Variants in ERMARD observed in about 807,000 individuals in gnomAD.
ERMARD encodes the protein ER membrane associated RNA degradation.
Under a neutral mutation model 83.9 loss-of-function variants are expected in ERMARD, and 71 were observed. That is an observed-to-expected ratio of 0.85 (90% confidence interval 0.70 to 1.03). ERMARD has a LOEUF of 1.03. ERMARD is among the 50% of genes least tolerant of loss of function. The probability of loss-of-function intolerance (pLI) is 0.00; values close to 1 mark genes in which losing one functional copy is unlikely to be tolerated. For missense variants in ERMARD, 838 were observed against 810.9 expected, an observed-to-expected ratio of 1.03 and a Z score of -0.41; for synonymous variants, 284 against 298.6, an observed-to-expected ratio of 0.95 and a Z score of 0.50.
upstream of ERMARD, chr6:169,751,516 C>T: frequency 6.2e-7 from 1 of 1,610,544 alleles, no homozygotes; most frequent in Non-Finnish European, 8.5e-7. Flanking sequence ...GGTCAAACGC[C>T]CTAGCCAGTC....
At chr6:169,760,023 G>A in intron 7 of ERMARD, 49 bp downstream of exon 7, 1 of 1,610,588 alleles carries the variant, frequency 6.2e-7, no homozygotes, top group South Asian at 1.1e-5. Flanking sequence ...GTAGATATTT[G>A]CAAAGTCAGT....
chr6:169,766,755 A>G, intron 10 of ERMARD, 88 bp downstream of exon 10: 2 of 1,364,572 alleles, frequency 1.5e-6, no homozygotes, highest in Non-Finnish European at 2.0e-6. Context: ...ATTAAAGATC[A>G]GCCATAAATC....
intron 9 of ERMARD, among the ~76,000 whole-genome samples, chr6:169,765,156 C>G (rs1166834244): frequency 6.6e-6 from 1 of 152,220 alleles, no homozygotes; most frequent in Non-Finnish European, 1.5e-5. Flanking sequence ...TGGCACGCAC[C>G]ATCACTGTAG....
intron 17 of ERMARD, among the ~76,000 whole-genome samples, 170 bp from the exon 18 acceptor site, chr6:169,781,160 A>C (rs1257121914): frequency 6.6e-6 from 1 of 152,132 alleles, no homozygotes; most frequent in Non-Finnish European, 1.5e-5. Flanking sequence ...TCTTTCTTCT[A>C]ATTTGTATTC....
At chr6:169,779,037 A>C (rs1793907196) in intron 16 of ERMARD, 145 bp from the exon 17 acceptor site, 1 of 734,976 alleles carries the variant, frequency 1.4e-6, no homozygotes, top group Admixed American at 2.2e-5. Flanking sequence ...GGCTGGAAGC[A>C]GGCATTGGGC....
intron 9 of ERMARD, among the ~76,000 whole-genome samples, chr6:169,764,938 C>T (rs1220980676): frequency 1.3e-5 from 2 of 152,214 alleles, no homozygotes; most frequent in Non-Finnish European, 2.9e-5. Flanking sequence ...TGGAGGCAGT[C>T]CTGCTTTGCC....
At chr6:169,775,677 C>T (rs1168868568) in intron 14 of ERMARD, among the ~76,000 whole-genome samples, 1 of 152,206 alleles carries the variant, frequency 6.6e-6, no homozygotes, top group Non-Finnish European at 1.5e-5. Context: ...ATTCTGGAAT[C>T]GTAAACAACA....
At position 169,776,518 on chromosome 6, in the gene ERMARD, TGTGCTGGAA is replaced by T. The variant is rs1207843382; in HGVS notation, c.1592_1600del (p.Glu531_Leu533del). 5 of 1,614,070 alleles carry T rather than the reference TGTGCTGGAA, an allele frequency of 3.1e-6. No individual in the cohort carries two copies. Among genetic ancestry groups the T allele is most frequent in the African/African-American group, 2.7e-5 (2 of 74,918 alleles). On this transcript the variant is annotated inframe_deletion, in exon 16 of 18. Transcript: ENST00000366773. ...TTCCCACCCTGTTCTGCCCCAGGAT[TGTGCTGGAA>T]GTGCTGGTTGTGCTCCGAAGCATCA...
Position 169,777,723 on chromosome 6 carries a change from G to C in ERMARD, c.1739+1050G>C, listed in dbSNP as rs539305610. Among the ~76,000 whole-genome samples the C allele has an allele frequency of 9.2e-5, 14 of 152,264 alleles. No individual in the cohort carries two copies. The South Asian group carries it at 2.9e-3, about 32-fold the overall frequency. On this transcript the variant is annotated intron_variant, in intron 16 of 17. Coordinates refer to ENST00000366773, the MANE Select transcript of ERMARD (RefSeq NM_018341.3). ...AGTGAGTGATGGCAGTCCAGGTGGT[G>C]GTTAAATGAGGCAATAATGTTTGCA...
chr6:169,776,303 CA>C, intron 15 of ERMARD, 151 bp from the exon 16 acceptor site: 1 of 1,551,960 alleles, frequency 6.4e-7, no homozygotes, highest in Non-Finnish European at 8.7e-7. Context: ...GTTTAGTTAA[CA>C]CTTGCCGCGT....
Position 169,769,486 on chromosome 6 carries a change from C to T in ERMARD, c.1060-54C>T, listed in dbSNP as rs1052042931. 102 of 1,493,702 alleles carry T rather than the reference C, an allele frequency of 6.8e-5. No homozygotes were observed. In the Admixed American group the frequency reaches 1.3e-3, roughly 19 times the overall value. The allele number at this position is 1,493,702 out of a possible 1,614,324, so 92.5% of individuals were successfully genotyped here. A position where few individuals can be genotyped will look rare whatever the true frequency, so the allele number is the denominator to read the frequency against. Reference sequence around the variant, plus strand: ...TCCTTCTATTCAGCAACACCAGGCACGTCTCTCTGCTGCGGATACTAACAA... The same window carrying T: ...TCCTTCTATTCAGCAACACCAGGCATGTCTCTCTGCTGCGGATACTAACAA... On this transcript the variant is annotated intron_variant, in intron 11 of 17. Coordinates refer to ENST00000366773, the MANE Select transcript of ERMARD (RefSeq NM_018341.3).
intron 12 of ERMARD, among the ~76,000 whole-genome samples, chr6:169,772,305 G>A (rs947798137): frequency 4.6e-5 from 7 of 152,208 alleles, no homozygotes; most frequent in African/African-American, 1.7e-4. Flanking sequence ...TGTCTGCCCT[G>A]CGGGGACGTC....
At chr6:169,751,392 C>A (rs200900116), upstream of ERMARD, 49 of 1,614,186 alleles carry the variant, frequency 3.0e-5, no homozygotes, top group Middle Eastern at 3.3e-4. Flanking sequence ...GTCACCGGAG[C>A]CTGCTGAGGG....
At position 169,766,666 on chromosome 6, in the gene ERMARD, A is replaced by G. The variant is rs1792253424; in HGVS notation, c.989A>G (p.Gln330Arg). 6.4e-7 allele frequency: 1 copy of G among 1,571,904 alleles called. No homozygotes were observed. Among genetic ancestry groups the G allele is most frequent in the Non-Finnish European group, 8.6e-7 (1 of 1,168,430 alleles). ...ESTALYTTFD[Q>R]ILAKHLNDGK... ...ACAGCTCTTTATACCACCTTTGATCAAGTAAGTAAGTAAACTTGTAAGGTA... is the reference window on the plus strand; with the variant it reads ...ACAGCTCTTTATACCACCTTTGATCGAGTAAGTAAGTAAACTTGTAAGGTA... The change falls in exon 10 of 18, where the codon CAA (glutamine) becomes CGA (arginine). Residue 330 changes from glutamine to arginine, a missense_variant and splice_region_variant. Transcript: ENST00000366773.
intron 12 of ERMARD, among the ~76,000 whole-genome samples, chr6:169,772,622 T>C (rs932057505): frequency 6.6e-6 from 1 of 151,722 alleles, no homozygotes; most frequent in Non-Finnish European, 1.5e-5. Context: ...AAAAAAAAAT[T>C]AGCCAGGCGT....
At position 169,760,651 on chromosome 6, in the gene ERMARD, A is replaced by T; in HGVS notation, c.752A>T (p.Tyr251Phe). The T allele has an allele frequency of 1.3e-6, 2 of 1,597,878 alleles. No individual in the cohort carries two copies. ...EDLIVFPDVT[Y>F]EVLSVLEEVM... The stretch of plus-strand genomic sequence containing the variant: ...GTGTGTTATTTTACAGATGTTACTT[A>T]TGAGGTGCTTTCAGTATTAGAAGAA... The change falls in exon 8 of 18, where the codon TAT becomes TTT. Residue 251 changes from tyrosine (Y) to phenylalanine (F), a missense_variant. By Grantham distance (22) the Tyr-to-Phe change is conservative. Transcript: ENST00000366773.
intron 6 of ERMARD, 111 bp downstream of exon 6, chr6:169,759,176 G>A (rs1023366724): frequency 1.1e-6 from 1 of 951,492 alleles, no homozygotes; most frequent in Non-Finnish European, 1.6e-6. Context: ...AGTGAGTTTT[G>A]AGATAGGATT....
intron 17 of ERMARD, among the ~76,000 whole-genome samples, chr6:169,781,100 C>A (rs560910945): frequency 6.6e-6 from 1 of 152,180 alleles, no homozygotes; most frequent in African/African-American, 2.4e-5. Context: ...AAGGTGCTTG[C>A]GTTGGAGCCT....
At chr6:169,767,356 T>C (rs1451508668) in intron 10 of ERMARD, 1 of 152,352 alleles carries the variant, frequency 6.6e-6, no homozygotes, top group African/African-American at 2.4e-5. Context: ...AGGAATTGAT[T>C]AGATAGTGCA....
Sources: gnomAD v4.1 joint callset for allele counts (sites outside exome capture counted in the v4.1 genomes callset) on GRCh38, gnomAD v4.1.1 for gene constraint, MANE v1.5 for transcripts, NCBI Gene and HGNC (gene_info 2026-07-23, HGNC 2026-07-21) for gene names.